Variants in MZB1 observed in about 807,000 individuals in gnomAD.
MZB1 encodes the protein marginal zone B and B1 cell specific protein.
In MZB1, 10 loss-of-function variants were observed where a neutral mutation model predicts 17.2. The observed-to-expected ratio is 0.58, with a 90% CI of 0.36 to 0.98. The LOEUF is 0.98. Ranked by LOEUF, MZB1 falls within the 50% of genes least tolerant of loss-of-function variation. MZB1 has a pLI of 0.01. For missense variants in MZB1, 246 were observed against 237.5 expected (o/e 1.04, Z -0.23); for synonymous variants, 99 against 98.7 (o/e 1.00, Z -0.02).
chr5:139,387,693 G>A lies in MZB1; in HGVS notation c.*72C>T, dbSNP rs1033736540. 1 of 1,460,294 alleles carries A rather than the reference G, an allele frequency of 6.8e-7. No homozygotes were observed. Among genetic ancestry groups the A allele is most frequent in the Non-Finnish European group, 9.0e-7 (1 of 1,107,130 alleles). The allele number at this position is 1,460,294 out of a possible 1,614,324, so 90.5% of individuals were successfully genotyped here. A position where few individuals can be genotyped will look rare whatever the true frequency, so the allele number is the denominator to read the frequency against. On this transcript the variant is annotated 3_prime_UTR_variant, in exon 4 of 4. Transcript: ENST00000302125. ...AGAGCAAGGGCTTCCTGCCCTCCTG[G>A]CTGCCTGCAGACGGGAGTGGAGACC... is the stretch of plus-strand genomic sequence containing the variant.
rs1256624943 is a variant in MZB1 at position 139,389,910 on chromosome 5, G to C, written c.-54C>G. The C allele has an allele frequency of 1.4e-5, 21 of 1,510,514 alleles. No homozygotes were observed. Among genetic ancestry groups the C allele is most frequent in the Non-Finnish European group, 1.9e-5 (21 of 1,132,366 alleles). 93.6% of individuals were successfully genotyped at this position (1,510,514 alleles called of 1,614,324 possible). On this transcript the variant is annotated 5_prime_UTR_variant, in exon 1 of 4. Transcript: ENST00000302125. The stretch of plus-strand genomic sequence containing the variant: ...GTCTGTGGTTGAGGTGCAGATGTGT[G>C]TGTGCTTGTGTGGTGTGGGGACCGC...
Position 139,388,482 on chromosome 5 carries a change from C to CTCCGG in MZB1, c.276_280dup (p.Ser94ThrfsTer19). 1 of 1,605,146 alleles carries CTCCGG rather than the reference C, an allele frequency of 6.2e-7. No individual in the cohort carries two copies. The highest frequency in any genetic ancestry group is 1.7e-5 in the Admixed American group (1 of 58,740). On this transcript the variant is annotated frameshift_variant, in exon 2 of 4. Coordinates refer to ENST00000302125, the MANE Select transcript of MZB1 (RefSeq NM_016459.4). LOFTEE classifies it high-confidence loss of function. ...TCACTCCTGCCAGTTCCGGGAGCAG[C>CTCCGG]TCCGGTCCAGGACATCCGTGTAGAC...
intron 1 of MZB1, chr5:139,389,172 G>A (rs533374788): frequency 1.4e-5 from 4 of 290,492 alleles, no homozygotes; most frequent in South Asian, 8.4e-5. Context: ...GCGCCCGGCC[G>A]GCACGTGCCA....
intron 2 of MZB1, 113 bp downstream of exon 2, chr5:139,388,348 T>C (rs1481176353): frequency 2.4e-5 from 31 of 1,277,758 alleles, no homozygotes; most frequent in African/African-American, 3.0e-5. Flanking sequence ...AGCCCCTCCC[T>C]TGGACCAGAG....
Position 139,387,522 on chromosome 5 carries a change from T to A in MZB1, c.*243A>T. On this transcript the variant is annotated 3_prime_UTR_variant, in exon 4 of 4. Coordinates refer to ENST00000302125, the MANE Select transcript of MZB1 (RefSeq NM_016459.4). The stretch of plus-strand genomic sequence containing the variant: ...CAAGGGACATCAGCAGAAACACCAA[T>A]GTCTGCACTCCCAGCCCCACAAGCA... The A allele has an allele frequency of 1.9e-5, 6 of 323,110 alleles. No homozygotes were observed. Among genetic ancestry groups the A allele is most frequent in the East Asian group, 4.8e-5 (1 of 20,770 alleles). The allele number at this position is 323,110 out of a possible 1,614,324, so 20.0% of individuals were successfully genotyped here. A position where few individuals can be genotyped will look rare whatever the true frequency, so the allele number is the denominator to read the frequency against.
In MZB1 at chr5:139,389,868, C is replaced by A; in HGVS notation, c.-12G>T. On this transcript the variant is annotated 5_prime_UTR_variant, in exon 1 of 4. Transcript: ENST00000302125. ...AGTGACAGCCTCATGGCCCCAGGAGCCAGTTCAGCAAGTGTAGTCTGTGGT... is the reference window on the plus strand; with the variant it reads ...AGTGACAGCCTCATGGCCCCAGGAGACAGTTCAGCAAGTGTAGTCTGTGGT... 6.5e-7 allele frequency: 1 copy of A among 1,540,186 alleles called. No homozygotes were observed. The highest frequency in any genetic ancestry group is 1.2e-5 in the South Asian group (1 of 83,762).
At chr5:139,388,694 C>G (rs1191504698) in intron 1 of MZB1, 109 bp from the exon 2 acceptor site, 13 of 1,494,112 alleles carry the variant, frequency 8.7e-6, no homozygotes, top group Non-Finnish European at 1.2e-5. Flanking sequence ...GGCAAGAGAG[C>G]CGTTTGAGCA....
In MZB1 at chr5:139,388,036, C is replaced by A; in HGVS notation, c.398G>T (p.Gly133Val). The A allele has an allele frequency of 6.4e-7, 1 of 1,556,688 alleles. No individual in the cohort carries two copies. Among genetic ancestry groups the A allele is most frequent in the Non-Finnish European group, 8.7e-7 (1 of 1,149,938 alleles). Residue 133 changes from glycine (G) to valine (V), a missense_variant, in exon 3 of 4, where the codon GGC (glycine) becomes GTC (valine). Physicochemically the swap from Gly to Val is moderately radical, Grantham distance 109. Transcript: ENST00000302125. ...CGGGCATCACCTGGTAGGCCAGGGG[C>A]CCCCTGTGACCATCACGCTGATGCT... ...EPSISVMVTGGPWPTRLSRTC... is the reference protein window; with the variant it reads ...EPSISVMVTGVPWPTRLSRTC...
Position 139,389,693 on chromosome 5 carries a change from G to T in MZB1, c.164C>A (p.Ala55Asp). Residue 55 changes from alanine (A) to aspartate (D), a missense_variant, in exon 1 of 4, where the codon GCT becomes GAT. Physicochemically the swap from Ala to Asp is moderately radical, Grantham distance 126 (BLOSUM62 -2). Transcript: ENST00000302125. The part of the protein sequence containing the change: ...PAHLRCDACR[A>D]VAYQMWQNLA... ...TGAAGGACTCACCTGGTAAGCCACA[G>T]CTCTGCAGGCATCACAGCGCAGGTG... 1 of 1,588,714 alleles carries T rather than the reference G, an allele frequency of 6.3e-7. No individual in the cohort carries two copies. Among genetic ancestry groups the T allele is most frequent in the South Asian group, 1.1e-5 (1 of 86,986 alleles).
At chr5:139,388,621 G>A in intron 1 of MZB1, 36 bp from the exon 2 acceptor site, 1 of 1,598,158 alleles carries the variant, frequency 6.3e-7, no homozygotes, top group Non-Finnish European at 8.5e-7. Context: ...AGGGCCTCAG[G>A]ACTGCTGCTC....
intron 1 of MZB1, 33 bp from the exon 2 acceptor site, chr5:139,388,618 C>G (rs551862892): frequency 6.3e-7 from 1 of 1,598,858 alleles, no homozygotes; most frequent in South Asian, 1.1e-5. Flanking sequence ...GGCAGGGCCT[C>G]AGGACTGCTG....
intron 2 of MZB1, 64 bp from the exon 3 acceptor site, chr5:139,388,195 C>T: frequency 2.8e-6 from 4 of 1,427,524 alleles, no homozygotes; most frequent in Middle Eastern, 2.5e-4. Flanking sequence ...AGAGACCCAT[C>T]TCCACAGCAA....
chr5:139,387,921 C>T lies in MZB1; in HGVS notation c.414G>A (p.Arg138=), dbSNP rs1169785987. The T allele has an allele frequency of 1.3e-6, 2 of 1,577,056 alleles. No homozygotes were observed. Among genetic ancestry groups the T allele is most frequent in the Non-Finnish European group, 1.7e-6 (2 of 1,165,250 alleles). Residue 138 remains arginine (R), a splice_region_variant and synonymous_variant, in exon 4 of 4, where the codon AGG becomes AGA. Transcript: ENST00000302125. ...AGTAGTGCAAACATGTCCTGGAGAG[C>T]CTAGGGGAGCCCAGCAGGAGCCTCA... The part of the protein sequence containing the change: ...VMVTGGPWPT[R]LSRTCLHYLG...
chr5:139,387,945 C>G (rs1379672544), intron 3 of MZB1, 24 bp from the exon 4 acceptor site: 1 of 1,575,928 alleles, frequency 6.3e-7, no homozygotes. Context: ...GCAGGAGCCT[C>G]AGATGCTGCC....
chr5:139,387,963 C>A (rs1448059962), intron 3 of MZB1, 42 bp from the exon 4 acceptor site: 2 of 1,581,486 alleles, frequency 1.3e-6, no homozygotes, highest in Non-Finnish European at 8.6e-7. Flanking sequence ...GCCCAGCCCA[C>A]AGTGGGGCAA....
chr5:139,388,941 G>A (rs58506287), intron 1 of MZB1: 1 of 210,888 alleles, frequency 4.7e-6, no homozygotes, highest in Non-Finnish European at 9.7e-6. Flanking sequence ...TACGATCTCA[G>A]CTCACTGCAG....
chr5:139,387,816 T>A lies in MZB1; in HGVS notation c.519A>T (p.Gly173=). ...RGALEALLCG[G]PQGACSEKVS... ...CCTTCTCTGAGCAGGCCCCCTGGGGTCCCCCACATAGCAATGCCTCCAGAG... is the reference window on the plus strand; with the variant it reads ...CCTTCTCTGAGCAGGCCCCCTGGGGACCCCCACATAGCAATGCCTCCAGAG... Residue 173 remains glycine, a synonymous_variant, in exon 4 of 4, where the codon GGA becomes GGT. Transcript: ENST00000302125. 6.3e-7 allele frequency: 1 copy of A among 1,590,220 alleles called. No homozygotes were observed. The highest frequency in any genetic ancestry group is 8.5e-7 in the Non-Finnish European group (1 of 1,171,410).
intron 1 of MZB1, chr5:139,389,405 G>T: frequency 1.5e-6 from 1 of 649,464 alleles, no homozygotes; most frequent in Non-Finnish European, 2.8e-6. Context: ...GAGGGAGTCC[G>T]GACTCAAGGA....
rs771560302 is a variant in MZB1, at chr5:139,388,549, G to A, written c.214C>T (p.His72Tyr). Residue 72 changes from histidine (H) to tyrosine (Y), a missense_variant, in exon 2 of 4, where the codon CAT becomes TAT. By Grantham distance (83) the His-to-Tyr change is moderately conservative. Transcript: ENST00000302125. ...QNLAKAETKL[H>Y]TSNSGGRREL... ...CGCCGCCCCCCAGAGTTTGAGGTAT[G>A]AAGTTTGGTCTCTGCCTTTGCCAGA... 5 of 1,601,846 alleles carry A rather than the reference G, an allele frequency of 3.1e-6. No homozygotes were observed. Among genetic ancestry groups the A allele is most frequent in the South Asian group, 2.3e-5 (2 of 88,564 alleles).
Sources: gnomAD v4.1 joint callset for allele counts on GRCh38, gnomAD v4.1.1 for gene constraint, MANE v1.5 for transcripts, NCBI Gene and HGNC (gene_info 2026-07-23, HGNC 2026-07-21) for gene names.